CLMP: variants seen among roughly 807,000 people sequenced by gnomAD.
The protein encoded by CLMP is CXADR-like membrane protein.
Under a neutral mutation model 45.2 loss-of-function variants are expected in CLMP, and 27 were observed. The ratio of observed to expected loss-of-function variants is 0.60; its 90% CI spans 0.44 to 0.82. The LOEUF (loss-of-function observed/expected upper bound fraction) is 0.82. Ranked by LOEUF, CLMP falls within the 40% of genes least tolerant of loss-of-function variation. The pLI, the probability that CLMP is intolerant of heterozygous loss-of-function variation, is 0.00. For missense variants in CLMP, 403 were observed against 448.4 expected (o/e 0.90, Z 0.91); for synonymous variants, 167 against 171.4 (o/e 0.97, Z 0.20).
At chr11:123,180,956 A>G (rs1223927175) in intron 1 of CLMP, among the ~76,000 whole-genome samples, 1 of 152,208 alleles carries the variant, frequency 6.6e-6, no homozygotes, top group African/African-American at 2.4e-5. Context: ...GGGCAGAGCC[A>G]GCAGCAGCAA....
chr11:123,187,963 C>G (rs1861855323), intron 1 of CLMP, among the ~76,000 whole-genome samples: 1 of 152,130 alleles, frequency 6.6e-6, no homozygotes, highest in Non-Finnish European at 1.5e-5. Flanking sequence ...AGACACAGTC[C>G]CCGAAGACCT....
intron 1 of CLMP, among the ~76,000 whole-genome samples, chr11:123,141,601 C>T (rs980691866): frequency 3.3e-5 from 5 of 152,066 alleles, no homozygotes; most frequent in Admixed American, 6.6e-5. Context: ...ACAAAATTGC[C>T]GTCACCTGAG....
intron 1 of CLMP, among the ~76,000 whole-genome samples, chr11:123,131,323 T>A (rs1361892194): frequency 6.6e-6 from 1 of 151,712 alleles, no homozygotes; most frequent in Non-Finnish European, 1.5e-5. Context: ...GCCACAAAGA[T>A]TAGAAAAAAA....
At chr11:123,116,454 G>A (rs906867373) in intron 1 of CLMP, among the ~76,000 whole-genome samples, 3 of 151,974 alleles carry the variant, frequency 2.0e-5, no homozygotes, top group Non-Finnish European at 2.9e-5. Flanking sequence ...TGTAATCCCA[G>A]CTACTCAGGA....
intron 1 of CLMP, among the ~76,000 whole-genome samples, chr11:123,182,913 T>A (rs958606234): frequency 1.1e-4 from 16 of 152,330 alleles, no homozygotes; most frequent in Admixed American, 5.9e-4. Context: ...CTTCCTCAGT[T>A]TATAAACCTA....
At position 123,072,554 on chromosome 11, in the gene CLMP, A is replaced by G. The variant is rs1411682785; in HGVS notation, c.*920T>C. 1.3e-5 allele frequency: 2 copies of G among 152,202 alleles called. No homozygotes were observed. Among genetic ancestry groups the G allele is most frequent in the African/African-American group, 4.8e-5 (2 of 41,446 alleles). The allele number at this position is 152,202 out of a possible 1,614,324, so 9.4% of individuals were successfully genotyped here. A position where few individuals can be genotyped will look rare whatever the true frequency, so the allele number is the denominator to read the frequency against. On this transcript the variant is annotated 3_prime_UTR_variant, in exon 7 of 7. Coordinates refer to ENST00000448775, the MANE Select transcript of CLMP (RefSeq NM_024769.5). ...AAGAGACTATAATGGTATGTTGGGT[A>G]ATCTTTCAGCATTCCTAGATCCCTT...
At chr11:123,144,809 T>C (rs1218217478) in intron 1 of CLMP, among the ~76,000 whole-genome samples, 1 of 152,204 alleles carries the variant, frequency 6.6e-6, no homozygotes, top group Non-Finnish European at 1.5e-5. Context: ...TATCAGCTGA[T>C]TGCATATGGA....
intron 1 of CLMP, among the ~76,000 whole-genome samples, chr11:123,183,138 G>T (rs997831267): frequency 6.6e-6 from 1 of 152,134 alleles, no homozygotes; most frequent in African/African-American, 2.4e-5. Context: ...GTGCATTCTG[G>T]TTCAGTGGGT....
At chr11:123,095,668 G>C (rs186996615) in intron 2 of CLMP, among the ~76,000 whole-genome samples, 3 of 152,262 alleles carry the variant, frequency 2.0e-5, no homozygotes, top group Admixed American at 2.0e-4. Context: ...TCTGATTCCA[G>C]CAAGTACAAG....
intron 6 of CLMP, 114 bp from the exon 7 acceptor site, chr11:123,073,888 G>C: frequency 1.8e-6 from 2 of 1,106,398 alleles, no homozygotes; most frequent in Non-Finnish European, 1.3e-6. Context: ...CCATCGGAAG[G>C]CAACCATTTA....
rs551079371 is a variant in CLMP at position 123,094,150 on chromosome 11, C to G, written c.186+3645G>C. 8.5e-5 allele frequency among the ~76,000 whole-genome samples: 13 copies of G among 152,148 alleles called. No individual in the cohort carries two copies. The South Asian group carries it at 1.5e-3, about 17-fold the overall frequency. On this transcript the variant is annotated intron_variant, in intron 2 of 6. Transcript: ENST00000448775. Reference sequence around the variant, plus strand: ...TGTTTTGAAATGGTCTCCTGTCACCCAGGCTGGAGTGCAGTGGCGCCATCT... The same window carrying G: ...TGTTTTGAAATGGTCTCCTGTCACCGAGGCTGGAGTGCAGTGGCGCCATCT...
At chr11:123,148,127 G>T (rs914133822) in intron 1 of CLMP, among the ~76,000 whole-genome samples, 3 of 152,208 alleles carry the variant, frequency 2.0e-5, no homozygotes, top group Non-Finnish European at 2.9e-5. Flanking sequence ...TTAGTGGTGA[G>T]AATTAAGTAA....
intron 1 of CLMP, among the ~76,000 whole-genome samples, chr11:123,138,814 C>A (rs1042877645): frequency 2.6e-5 from 4 of 152,088 alleles, no homozygotes. Context: ...CCACCACACC[C>A]AGCTAATTTT....
At chr11:123,167,507 G>T (rs1046832957) in intron 1 of CLMP, among the ~76,000 whole-genome samples, 40 of 152,068 alleles carry the variant, frequency 2.6e-4, no homozygotes, top group African/African-American at 9.4e-4. Context: ...GGATGGTCTC[G>T]ATCTCCTGAC....
At chr11:123,120,448 A>C (rs542241894) in intron 1 of CLMP, among the ~76,000 whole-genome samples, 3 of 152,214 alleles carry the variant, frequency 2.0e-5, no homozygotes, top group Non-Finnish European at 2.9e-5. Flanking sequence ...TGGCATTATA[A>C]GATAATTGTT....
intron 1 of CLMP, among the ~76,000 whole-genome samples, chr11:123,105,367 CCCTCCCTCCCTCCCTCCCTT>C (rs1197022019): frequency 6.8e-5 from 7 of 103,566 alleles, no homozygotes; most frequent in South Asian, 3.6e-4. Context: ...CTCCCTCCCT[CCCTCCCTCCCTCCCTCCCTT>C]CCTTCCTTCC....
intron 1 of CLMP, among the ~76,000 whole-genome samples, chr11:123,106,517 G>A (rs1860559871): frequency 6.6e-6 from 1 of 151,952 alleles, no homozygotes; most frequent in African/African-American, 2.4e-5. Flanking sequence ...GAAAGAGGAT[G>A]AGCTTTGGAG....
intron 1 of CLMP, among the ~76,000 whole-genome samples, chr11:123,150,524 GAA>G (rs1565397623): frequency 1.6e-5 from 2 of 126,782 alleles, no homozygotes; most frequent in African/African-American, 6.3e-5. Context: ...AGGAAGGAAG[GAA>G]GGAAAGAAAC....
chr11:123,137,024 T>C (rs1324795189), intron 1 of CLMP, among the ~76,000 whole-genome samples: 2 of 152,060 alleles, frequency 1.3e-5, no homozygotes, highest in African/African-American at 4.8e-5. Context: ...AAACCTCCCA[T>C]GTCCAGTTTC....
Sources: allele counts gnomAD v4.1 joint callset (sites outside exome capture counted in the v4.1 genomes callset), GRCh38; gene constraint gnomAD v4.1.1; transcripts MANE v1.5; gene names NCBI Gene and HGNC (gene_info 2026-07-23, HGNC 2026-07-21).